Variants in NUBPL observed in about 807,000 individuals in gnomAD.
NUBPL encodes the protein NUBP iron-sulfur cluster assembly factor, mitochondrial.
NUBPL carries 31 observed loss-of-function variants against 45.7 expected under a neutral mutation model. The observed-to-expected ratio is 0.68, with a 90% CI of 0.51 to 0.92. The LOEUF (loss-of-function observed/expected upper bound fraction) is 0.92. NUBPL is among the 40% of genes least tolerant of loss of function. NUBPL has a pLI of 0.00. For missense variants in NUBPL, 401 were observed against 398.7 expected (o/e 1.01, Z -0.05); for synonymous variants, 144 against 140.9 (o/e 1.02, Z -0.15).
intron 4 of NUBPL, among the ~76,000 whole-genome samples, chr14:31,629,863 G>A (rs768941928): frequency 2.6e-5 from 4 of 152,004 alleles, no homozygotes; most frequent in Non-Finnish European, 5.9e-5. Flanking sequence ...TTGTGACATC[G>A]TTTTTCTCGT....
chr14:31,743,514 G>T (rs1243034334), intron 6 of NUBPL, among the ~76,000 whole-genome samples: 6 of 151,886 alleles, frequency 4.0e-5, no homozygotes, highest in Admixed American at 2.0e-4. Flanking sequence ...CAAGTAGCTG[G>T]GATTACAGGC....
chr14:31,724,803 A>T (rs1000737218), intron 6 of NUBPL, among the ~76,000 whole-genome samples: 12 of 152,220 alleles, frequency 7.9e-5, no homozygotes, highest in Non-Finnish European at 1.8e-4. Flanking sequence ...AAAACCGTAT[A>T]GTATAACATT....
chr14:31,660,910 A>C (rs2036253051), intron 4 of NUBPL, among the ~76,000 whole-genome samples: 1 of 152,204 alleles, frequency 6.6e-6, no homozygotes, highest in African/African-American at 2.4e-5. Context: ...TCTAGATCAG[A>C]GTTATCCCTG....
At chr14:31,822,030 G>A (rs1490673066) in intron 7 of NUBPL, among the ~76,000 whole-genome samples, 3 of 152,126 alleles carry the variant, frequency 2.0e-5, no homozygotes, top group Non-Finnish European at 4.4e-5. Flanking sequence ...GTTATTCGAG[G>A]TAGGGAAGGG....
At chr14:31,801,992 G>T (rs1323837015) in intron 7 of NUBPL, among the ~76,000 whole-genome samples, 1 of 152,198 alleles carries the variant, frequency 6.6e-6, no homozygotes, top group African/African-American at 2.4e-5. Context: ...TGATACCATT[G>T]CTGTGGTTTG....
At chr14:31,655,203 T>C (rs932342935) in intron 4 of NUBPL, among the ~76,000 whole-genome samples, 1 of 152,250 alleles carries the variant, frequency 6.6e-6, no homozygotes. Context: ...AGATTTTCAA[T>C]TGATAGATCC....
intron 4 of NUBPL, among the ~76,000 whole-genome samples, chr14:31,608,820 C>G (rs2034674166): frequency 6.6e-6 from 1 of 152,178 alleles, no homozygotes; most frequent in Non-Finnish European, 1.5e-5. Context: ...GGCCCAGTTT[C>G]TAACAGGCCA....
chr14:31,654,639 G>A (rs561058573), intron 4 of NUBPL, among the ~76,000 whole-genome samples: 13 of 152,168 alleles, frequency 8.5e-5, no homozygotes, highest in African/African-American at 3.1e-4. Context: ...TCAATCTCCT[G>A]ACCTCATGAT....
At chr14:31,707,211 A>G (rs1229330395) in intron 6 of NUBPL, among the ~76,000 whole-genome samples, 1 of 152,180 alleles carries the variant, frequency 6.6e-6, no homozygotes, top group Non-Finnish European at 1.5e-5. Context: ...TTTTGATAGG[A>G]AGGCTACGGA....
intron 3 of NUBPL, among the ~76,000 whole-genome samples, chr14:31,593,171 G>A (rs778489095): frequency 2.5e-4 from 38 of 152,146 alleles, no homozygotes; most frequent in Admixed American, 5.9e-4. Flanking sequence ...TAAAGTATAC[G>A]AGAGGATGTG....
intron 7 of NUBPL, among the ~76,000 whole-genome samples, chr14:31,799,455 C>G (rs1414451593): frequency 2.0e-5 from 3 of 152,134 alleles, no homozygotes; most frequent in Admixed American, 2.0e-4. Context: ...TGTATATGCT[C>G]CATCTTGTTA....
rs768460743 is a variant in NUBPL, at chr14:31,826,705, C to A, written c.684C>A (p.Val228=). Residue 228 remains valine, a synonymous_variant, in exon 8 of 11, where the codon GTC becomes GTA. Transcript: ENST00000281081. ...AHKGAEMFRR[V]HVPVLGLVQN... is the part of the protein sequence containing the mutation. ...AGGGTGCTGAGATGTTTCGCAGAGT[C>A]CACGTGCCCGTAAGCGTTTACAGCT... 6.2e-7 allele frequency: 1 copy of A among 1,613,890 alleles called. No homozygotes were observed. The highest frequency in any genetic ancestry group is 1.3e-5 in the African/African-American group (1 of 75,038).
intron 4 of NUBPL, among the ~76,000 whole-genome samples, chr14:31,665,732 G>T (rs529782796): frequency 6.6e-6 from 1 of 152,304 alleles, no homozygotes; most frequent in East Asian, 1.9e-4. Flanking sequence ...GAGTTCTGTA[G>T]ATGTCTATTA....
Position 31,799,809 on chromosome 14 carries a change from C to T in NUBPL, c.607+11936C>T, listed in dbSNP as rs544517759. Among the ~76,000 whole-genome samples the T allele has an allele frequency of 8.4e-4, 128 of 152,240 alleles. 3 individuals are homozygous for T. Among genetic ancestry groups the T allele is most frequent in the Middle Eastern group, 3.4e-3 (1 of 294 alleles). On this transcript the variant is annotated intron_variant, in intron 7 of 10. Coordinates refer to ENST00000281081, the MANE Select transcript of NUBPL (RefSeq NM_025152.3). Reference sequence around the variant, plus strand: ...CAGTTGCTGACGGTTGGAGTGGCTGCGACATTTTCTTAAAATAAGACAACA... The same window carrying T: ...CAGTTGCTGACGGTTGGAGTGGCTGTGACATTTTCTTAAAATAAGACAACA...
intron 3 of NUBPL, among the ~76,000 whole-genome samples, chr14:31,591,051 C>T (rs1246226210): frequency 6.6e-6 from 1 of 152,094 alleles, no homozygotes; most frequent in Admixed American, 6.6e-5. Context: ...AAAACAAACC[C>T]AGATTTGCAG....
At chr14:31,623,400 G>A (rs566786549) in intron 4 of NUBPL, among the ~76,000 whole-genome samples, 1 of 152,310 alleles carries the variant, frequency 6.6e-6, no homozygotes, top group African/African-American at 2.4e-5. Context: ...AGGCATGATT[G>A]GTTTTGAAAT....
At chr14:31,700,410 C>T (rs28579645) in intron 6 of NUBPL, among the ~76,000 whole-genome samples, 5,513 of 152,258 alleles carry the variant, frequency 0.036, 136 homozygotes, top group African/African-American at 0.076. Flanking sequence ...CGCTTGCTCT[C>T]GGTGCCTTCT....
intron 7 of NUBPL, among the ~76,000 whole-genome samples, chr14:31,810,943 GC>G (rs780311756): frequency 4.6e-5 from 7 of 152,072 alleles, no homozygotes; most frequent in Non-Finnish European, 8.8e-5. Flanking sequence ...TTGAATATTG[GC>G]CCCCACTCTC....
intron 6 of NUBPL, among the ~76,000 whole-genome samples, chr14:31,733,183 ATAGG>A (rs1242211709): frequency 1.3e-5 from 2 of 152,120 alleles, no homozygotes; most frequent in African/African-American, 4.8e-5. Flanking sequence ...ATATATATAG[ATAGG>A]TAGGTAGGTA....
Sources: allele counts gnomAD v4.1 joint callset (sites outside exome capture counted in the v4.1 genomes callset), GRCh38; gene constraint gnomAD v4.1.1; transcripts MANE v1.5; gene names NCBI Gene and HGNC (gene_info 2026-07-23, HGNC 2026-07-21).